Variants in CFAP54 observed in about 807,000 individuals in gnomAD.
The protein encoded by CFAP54 is cilia- and flagella-associated protein 54.
In CFAP54, 290 loss-of-function variants were observed where a neutral mutation model predicts 370.4. The ratio of observed to expected loss-of-function variants is 0.78; its 90% CI spans 0.71 to 0.86. CFAP54 has a LOEUF of 0.86. CFAP54 is among the 40% of genes least tolerant of loss of function. The probability of loss-of-function intolerance (pLI) is 0.00; values close to 1 mark genes in which losing one functional copy is unlikely to be tolerated. For missense variants in CFAP54, 3,399 were observed against 3,528.7 expected, an observed-to-expected ratio of 0.96 and a Z score of 0.93; for synonymous variants, 1,206 against 1,236.5, an observed-to-expected ratio of 0.98 and a Z score of 0.52.
At chr12:96,756,279 G>T (rs1226818690) in intron 56 of CFAP54, among the ~76,000 whole-genome samples, 179 bp from the exon 57 acceptor site, 1 of 152,158 alleles carries the variant, frequency 6.6e-6, no homozygotes, top group East Asian at 1.9e-4. Context: ...GGAAGCCTGA[G>T]GGTTCTGAAG....
chr12:96,518,254 C>T (rs186669945), intron 5 of CFAP54, among the ~76,000 whole-genome samples: 25 of 152,282 alleles, frequency 1.6e-4, no homozygotes, highest in Admixed American at 7.8e-4. Context: ...TTTTCATTTT[C>T]CTTACCTCCT....
intron 55 of CFAP54, among the ~76,000 whole-genome samples, chr12:96,747,382 C>G (rs536673271): frequency 6.6e-6 from 1 of 152,146 alleles, no homozygotes; most frequent in East Asian, 1.9e-4. Context: ...TTGCTTCTCT[C>G]TCTCCTTTAA....
chr12:96,513,193 T>G, intron 5 of CFAP54, 149 bp downstream of exon 5: 1 of 282,020 alleles, frequency 3.5e-6, no homozygotes, highest in East Asian at 6.6e-5. Context: ...TATATAGCTT[T>G]ATTATTCTTA....
intron 66 of CFAP54, among the ~76,000 whole-genome samples, chr12:96,853,724 C>T (rs1480566307): frequency 2.0e-5 from 3 of 152,054 alleles, no homozygotes; most frequent in African/African-American, 4.8e-5. Flanking sequence ...ACACAAGGGT[C>T]GGTTCTGACA....
At chr12:96,677,183 A>AT (rs71068824) in intron 39 of CFAP54, among the ~76,000 whole-genome samples, 56,949 of 150,672 alleles carry the variant, frequency 0.38, 10,976 homozygotes, top group Middle Eastern at 0.42. Context: ...ATTTTATTTT[A>AT]TTTTTTTTGT....
At chr12:96,839,509 C>T (rs1959198690) in intron 66 of CFAP54, among the ~76,000 whole-genome samples, 2 of 152,216 alleles carry the variant, frequency 1.3e-5, no homozygotes. Flanking sequence ...GGAATGGCTG[C>T]ATACATCGCT....
chr12:96,705,965 G>A (rs1253361656), intron 47 of CFAP54, among the ~76,000 whole-genome samples: 3 of 151,944 alleles, frequency 2.0e-5, no homozygotes, highest in Admixed American at 2.0e-4. Context: ...GTTTACGTAA[G>A]GCAAATAGTT....
intron 15 of CFAP54, among the ~76,000 whole-genome samples, chr12:96,553,935 A>C (rs868693240): frequency 1.3e-5 from 2 of 152,152 alleles, no homozygotes; most frequent in Admixed American, 1.3e-4. Context: ...ATATTAATAC[A>C]TGTTTGTGAA....
At chr12:96,625,842 G>C in intron 29 of CFAP54, 35 bp downstream of exon 29, 1 of 1,371,996 alleles carries the variant, frequency 7.3e-7, no homozygotes, top group Non-Finnish European at 1.0e-6. Flanking sequence ...CTGTTCACTC[G>C]ATTTATCACT....
intron 22 of CFAP54, among the ~76,000 whole-genome samples, chr12:96,585,493 T>C (rs1036565182): frequency 6.6e-6 from 1 of 152,152 alleles, no homozygotes; most frequent in African/African-American, 2.4e-5. Flanking sequence ...CTATTTAATA[T>C]TGTAATCTAC....
At chr12:96,837,296 G>A (rs749430049) in intron 66 of CFAP54, among the ~76,000 whole-genome samples, 4 of 151,938 alleles carry the variant, frequency 2.6e-5, no homozygotes, top group Non-Finnish European at 4.4e-5. Context: ...ACCCCTCATA[G>A]CCCCTATGAC....
At chr12:96,560,422 C>A (rs1955803261) in intron 17 of CFAP54, among the ~76,000 whole-genome samples, 1 of 152,086 alleles carries the variant, frequency 6.6e-6, no homozygotes, top group Non-Finnish European at 1.5e-5. Flanking sequence ...TCCCAAATAT[C>A]CTTTTTGGGG....
intron 45 of CFAP54, among the ~76,000 whole-genome samples, chr12:96,696,101 A>T (rs1358515852): frequency 2.0e-5 from 3 of 152,170 alleles, no homozygotes; most frequent in African/African-American, 7.2e-5. Context: ...AGCAGGAGAG[A>T]GGAAAAAGGG....
chr12:96,798,063 C>T (rs1958785266), intron 63 of CFAP54, among the ~76,000 whole-genome samples: 1 of 151,986 alleles, frequency 6.6e-6, no homozygotes, highest in African/African-American at 2.4e-5. Context: ...TGTGTATTTA[C>T]TCCCCTAATG....
In CFAP54 at chr12:96,664,705, A is replaced by C. The variant is rs372808797; in HGVS notation, c.5563+773A>C. ...TTCCTTTGGGTATATATCTATATAT[A>C]TATATATATCTATATATATCTATAT... On this transcript the variant is annotated intron_variant, in intron 39 of 67. Coordinates refer to ENST00000524981, the MANE Select transcript of CFAP54 (RefSeq NM_001306084.2). Among the ~76,000 whole-genome samples, 43 of 21,764 alleles carry C rather than the reference A, an allele frequency of 2.0e-3. 1 individual carries two copies. Among genetic ancestry groups the C allele is most frequent in the African/African-American group, 2.2e-3 (6 of 2,680 alleles). The allele number at this position is 21,764 out of a possible 152,430, so 14.3% of individuals were successfully genotyped here. A position where few individuals can be genotyped will look rare whatever the true frequency, so the allele number is the denominator to read the frequency against.
At chr12:96,655,587 C>T (rs115352238) in intron 36 of CFAP54, among the ~76,000 whole-genome samples, 2,295 of 151,996 alleles carry the variant, frequency 0.015, 56 homozygotes, top group African/African-American at 0.051. Context: ...ATACAGTGGA[C>T]AGAAGAACAT....
chr12:96,803,104 T>G (rs1487340167), intron 63 of CFAP54, among the ~76,000 whole-genome samples: 1 of 152,194 alleles, frequency 6.6e-6, no homozygotes, highest in African/African-American at 2.4e-5. Flanking sequence ...TGGTTCCAAG[T>G]TTTTGCTATT....
At chr12:96,642,898 C>T (rs944563573) in intron 32 of CFAP54, among the ~76,000 whole-genome samples, 3 of 152,042 alleles carry the variant, frequency 2.0e-5, no homozygotes, top group African/African-American at 7.2e-5. Flanking sequence ...GCATTCTGTA[C>T]CCTCTGTGGG....
intron 66 of CFAP54, among the ~76,000 whole-genome samples, chr12:96,856,249 G>T (rs1286044988): frequency 2.0e-5 from 3 of 152,134 alleles, no homozygotes; most frequent in Admixed American, 6.5e-5. Context: ...TCTCTGACTT[G>T]CCCTGGAGCA....
Sources: gnomAD v4.1 joint callset for allele counts (sites outside exome capture counted in the v4.1 genomes callset) on GRCh38, gnomAD v4.1.1 for gene constraint, MANE v1.5 for transcripts, NCBI Gene and HGNC (gene_info 2026-07-23, HGNC 2026-07-21) for gene names.